Variants in HMGA2 observed in about 807,000 individuals in gnomAD.
HMGA2 encodes the protein high mobility group protein HMGI-C.
In HMGA2, 8 loss-of-function variants were observed where a neutral mutation model predicts 19.1. The observed-to-expected ratio is 0.42, with a 90% CI of 0.25 to 0.76. The LOEUF is 0.76. Ranked by LOEUF, HMGA2 falls within the 30% of genes least tolerant of loss-of-function variation. The pLI, the probability that HMGA2 is intolerant of heterozygous loss-of-function variation, is 0.28. For missense variants in HMGA2, 109 were observed against 136.3 expected (o/e 0.80, Z 1.00); for synonymous variants, 60 against 48.8 (o/e 1.23, Z -0.96).
At chr12:65,849,094 C>T (rs1047836862) in intron 3 of HMGA2, among the ~76,000 whole-genome samples, 35 of 152,166 alleles carry the variant, frequency 2.3e-4, no homozygotes, top group African/African-American at 8.2e-4. Context: ...ATTTCCTGTT[C>T]AGAATGATTC....
intron 3 of HMGA2, among the ~76,000 whole-genome samples, chr12:65,920,351 A>G (rs1875262190): frequency 6.6e-6 from 1 of 152,182 alleles, no homozygotes; most frequent in Admixed American, 6.5e-5. Flanking sequence ...AAGTCCTCAA[A>G]AACATCAAGG....
chr12:65,932,455 T>C (rs1183638710), intron 3 of HMGA2, among the ~76,000 whole-genome samples: 1 of 152,230 alleles, frequency 6.6e-6, no homozygotes, highest in African/African-American at 2.4e-5. Flanking sequence ...ATGCTGGCTA[T>C]ATGCCAGGAA....
At chr12:65,888,433 C>T (rs1386603795) in intron 3 of HMGA2, among the ~76,000 whole-genome samples, 3 of 150,748 alleles carry the variant, frequency 2.0e-5, no homozygotes, top group South Asian at 2.1e-4. Context: ...CCAGCCTGGG[C>T]GGCAGAGTGA....
At chr12:65,941,208 G>C (rs143864119) in intron 3 of HMGA2, among the ~76,000 whole-genome samples, 4 of 152,102 alleles carry the variant, frequency 2.6e-5, no homozygotes, top group African/African-American at 9.7e-5. Flanking sequence ...AAGACAAGAC[G>C]AATGAAGTAT....
At chr12:65,915,109 CAG>C in intron 3 of HMGA2, 1 of 1,613,808 alleles carries the variant, frequency 6.2e-7, no homozygotes, top group South Asian at 1.1e-5. Context: ...CTCTGGGAAA[CAG>C]TACCAAAAGG....
Position 65,825,258 on chromosome 12 carries a change from G to A in HMGA2, c.-13G>A. 6.6e-7 allele frequency: 1 copy of A among 1,525,356 alleles called. No individual in the cohort carries two copies. The highest frequency in any genetic ancestry group is 8.8e-7 in the Non-Finnish European group (1 of 1,141,078). The allele number at this position is 1,525,356 out of a possible 1,614,324, so 94.5% of individuals were successfully genotyped here. ...AAGCGGCTGCAGCGGCGGTAGCGGC[G>A]GCGGGAGGCAGGATGAGCGCACGCG... On this transcript the variant is annotated 5_prime_UTR_variant, in exon 1 of 5. Transcript: ENST00000403681. The surrounding 1 kb of genome is among the most constrained non-coding windows in gnomAD (Gnocchi z 4.4).
chr12:65,861,606 G>T (rs1592395267), intron 3 of HMGA2, among the ~76,000 whole-genome samples: 2 of 132,334 alleles, frequency 1.5e-5, no homozygotes, highest in South Asian at 2.5e-4. Context: ...AGGTAATATT[G>T]ATTTATCCTA....
At chr12:65,841,159 T>G (rs1363951018) in intron 3 of HMGA2, among the ~76,000 whole-genome samples, 1 of 152,202 alleles carries the variant, frequency 6.6e-6, no homozygotes, top group Non-Finnish European at 1.5e-5. Context: ...TATATATGTT[T>G]TTTTTCTTAA....
chr12:65,945,710 T>C (rs1244923809), intron 3 of HMGA2, among the ~76,000 whole-genome samples: 2 of 152,160 alleles, frequency 1.3e-5, no homozygotes, highest in East Asian at 1.9e-4. Flanking sequence ...TGCAGAGAGA[T>C]TGGATGATTA....
chr12:65,850,293 C>G (rs996435237), intron 3 of HMGA2, among the ~76,000 whole-genome samples: 1 of 152,152 alleles, frequency 6.6e-6, no homozygotes, highest in African/African-American at 2.4e-5. Context: ...GGGAACAAAG[C>G]TGTTACAGCT....
At chr12:65,842,043 T>C in intron 3 of HMGA2, 2 of 1,247,824 alleles carry the variant, frequency 1.6e-6, no homozygotes, top group East Asian at 1.1e-4. Context: ...TCTATTGTTT[T>C]TATGAGGTGG....
chr12:65,863,371 A>G (rs1253375275), intron 3 of HMGA2, among the ~76,000 whole-genome samples: 1 of 151,446 alleles, frequency 6.6e-6, no homozygotes, highest in Non-Finnish European at 1.5e-5. Context: ...GAAGAATGCA[A>G]TGTCCCGGGT....
rs1306507710 is a variant in HMGA2, at chr12:65,964,277, A to G, written c.*985A>G. ...ATTTCTTTTGCTATAGTTATACATC[A>G]ATTTAAAAAGCAAAAAAAAAAAAGG... On this transcript the variant is annotated 3_prime_UTR_variant, in exon 5 of 5. Transcript: ENST00000403681. The G allele has an allele frequency of 4.7e-6, 1 of 211,602 alleles. No homozygotes were observed. Among genetic ancestry groups the G allele is most frequent in the Non-Finnish European group, 9.5e-6 (1 of 105,184 alleles). The allele number at this position is 211,602 out of a possible 1,614,324, so 13.1% of individuals were successfully genotyped here.
At position 65,825,516 on chromosome 12, in the gene HMGA2, G is replaced by A. The variant is rs1019387890; in HGVS notation, c.111+135G>A. 2.8e-5 allele frequency: 11 copies of A among 398,186 alleles called. No homozygotes were observed. Among genetic ancestry groups the A allele is most frequent in the Middle Eastern group, 8.3e-4 (1 of 1,212 alleles). The allele number at this position is 398,186 out of a possible 1,614,324, so 24.7% of individuals were successfully genotyped here. A position where few individuals can be genotyped will look rare whatever the true frequency, so the allele number is the denominator to read the frequency against. On this transcript the variant is annotated intron_variant, in intron 1 of 4. Transcript: ENST00000403681. This position sits in a 1 kb window ranked among gnomAD's most constrained non-coding sequence, Gnocchi z 4.4. ...ACACTGCCCGCCGGCCGGCCGGGGG[G>A]AGCGGCGCAGACCCCACGAGTGCGC...
chr12:65,946,507 A>T (rs965301909), intron 3 of HMGA2, among the ~76,000 whole-genome samples: 10 of 152,044 alleles, frequency 6.6e-5, no homozygotes, highest in South Asian at 2.1e-4. Flanking sequence ...ATTTTTTTTT[A>T]AAAATTAAGT....
chr12:65,876,560 T>C (rs1255523559), intron 3 of HMGA2, among the ~76,000 whole-genome samples: 6 of 152,200 alleles, frequency 3.9e-5, no homozygotes, highest in Admixed American at 3.3e-4. Flanking sequence ...CAGAAAGAGA[T>C]TCTAATTTGG....
intron 3 of HMGA2, chr12:65,858,582 C>G (rs547151784): frequency 1.3e-5 from 2 of 151,960 alleles, no homozygotes; most frequent in Non-Finnish European, 2.9e-5. Context: ...TTTGATTTTT[C>G]TCTGTTTTTG....
intron 3 of HMGA2, among the ~76,000 whole-genome samples, chr12:65,871,995 G>T (rs1366836750): frequency 6.6e-6 from 1 of 152,182 alleles, no homozygotes; most frequent in Non-Finnish European, 1.5e-5. Flanking sequence ...CATAGCAAAA[G>T]GTGTGACAGC....
intron 3 of HMGA2, among the ~76,000 whole-genome samples, chr12:65,948,711 G>C (rs941672579): frequency 6.6e-6 from 1 of 152,212 alleles, no homozygotes; most frequent in Non-Finnish European, 1.5e-5. Flanking sequence ...ATGAAGTGCT[G>C]TGTCTGAGGG....
Sources: gnomAD v4.1 joint callset for allele counts (sites outside exome capture counted in the v4.1 genomes callset) on GRCh38, gnomAD v4.1.1 for gene constraint, Gnocchi (gnomAD v3.1) non-coding constraint, MANE v1.5 for transcripts, NCBI Gene and HGNC (gene_info 2026-07-23, HGNC 2026-07-21) for gene names.